Variants in ATG2B observed in about 807,000 individuals in gnomAD.
ATG2B encodes the protein autophagy related 2B.
ATG2B carries 121 observed loss-of-function variants against 241.3 expected under a neutral mutation model. The observed-to-expected ratio is 0.50, with a 90% CI of 0.43 to 0.58. The LOEUF (loss-of-function observed/expected upper bound fraction) is 0.58, where lower values mean the gene tolerates loss of function less well. ATG2B is among the 20% of genes least tolerant of loss of function. The probability of loss-of-function intolerance (pLI) is 0.00; values close to 1 mark genes in which losing one functional copy is unlikely to be tolerated. For missense variants in ATG2B, 2,306 were observed against 2,491.6 expected (o/e 0.93, Z 1.59); for synonymous variants, 858 against 876.6 (o/e 0.98, Z 0.37).
In ATG2B at chr14:96,318,123, A is replaced by G. The variant is rs138142206; in HGVS notation, c.2880-268T>C. On this transcript the variant is annotated intron_variant, in intron 18 of 41. Transcript: ENST00000359933. Reference sequence around the variant, plus strand: ...AATAGATACTTGCCTAATTTTACCTATGTTATATACATCAAATTACAAATT... The same window carrying G: ...AATAGATACTTGCCTAATTTTACCTGTGTTATATACATCAAATTACAAATT... 1,602 of 265,694 alleles carry G rather than the reference A, an allele frequency of 6.0e-3. 43 individuals are homozygous for G. The South Asian group carries it at 0.076, about 13-fold the overall frequency. The allele number at this position is 265,694 out of a possible 1,614,324, so 16.5% of individuals were successfully genotyped here.
Position 96,362,959 on chromosome 14 carries a change from C to G in ATG2B, c.18G>C (p.Ser6=). The change falls in exon 1 of 42, where the codon TCG becomes TCC. Residue 6 remains serine (S), a synonymous_variant. Coordinates refer to ENST00000359933, the MANE Select transcript of ATG2B (RefSeq NM_018036.7). ...GGCAGGCCCTCTTCTTGATGGACTC[C>G]GAAAACGGCCAAGGCATAGTGACTG... is the stretch of plus-strand genomic sequence containing the variant. MPWPF[S]ESIKKRACRY... 2 of 1,613,454 alleles carry G rather than the reference C, an allele frequency of 1.2e-6. No homozygotes were observed. Among genetic ancestry groups the G allele is most frequent in the South Asian group, 2.2e-5 (2 of 91,046 alleles).
At chr14:96,328,167 A>G (rs1887632870) in intron 14 of ATG2B, among the ~76,000 whole-genome samples, 180 bp downstream of exon 14, 1 of 152,090 alleles carries the variant, frequency 6.6e-6, no homozygotes, top group Non-Finnish European at 1.5e-5. Flanking sequence ...TGTCTCAAAA[A>G]CTTATTTAGC....
rs758320506 is a variant in ATG2B at position 96,302,038 on chromosome 14, G to A, written c.5108C>T (p.Ser1703Leu). 10 of 1,613,924 alleles carry A rather than the reference G, an allele frequency of 6.2e-6. No individual in the cohort carries two copies. The East Asian group carries it at 6.7e-5, about 11-fold the overall frequency. ...RSPQECCLRV[S>L]LMPLRLNIDQ... ...AATATTGAGGCGGAGCGGCATCAGCGACACTCTCAAGCAGCACTCCTGTGG... is the reference window on the plus strand; with the variant it reads ...AATATTGAGGCGGAGCGGCATCAGCAACACTCTCAAGCAGCACTCCTGTGG... Residue 1703 changes from serine to leucine, a missense_variant, in exon 34 of 42, where the codon TCG becomes TTG. By Grantham distance (145) the Ser-to-Leu change is moderately radical. Around this residue, in one of 2 missense-constraint regions of ATG2B, gnomAD observed 379 missense variants for 480.4 expected, o/e 0.79. Transcript: ENST00000359933.
Position 96,328,725 on chromosome 14 carries a change from G to A in ATG2B, c.1923C>T (p.Ser641=), listed in dbSNP as rs1468483892. Residue 641 remains serine (S), a synonymous_variant, in exon 13 of 42, where the codon TCC becomes TCT. Coordinates refer to ENST00000359933, the MANE Select transcript of ATG2B (RefSeq NM_018036.7). ...TATAATGAAGCTGAAGACACACAGG[G>A]GAATGGGAACCAGTTTCTTCTTTGG... is the stretch of plus-strand genomic sequence containing the variant. ...FHSKEETGSH[S]PVCLQLHYKH... The A allele has an allele frequency of 6.2e-7, 1 of 1,612,252 alleles. No homozygotes were observed. Among genetic ancestry groups the A allele is most frequent in the African/African-American group, 1.3e-5 (1 of 74,932 alleles).
intron 6 of ATG2B, among the ~76,000 whole-genome samples, chr14:96,337,297 A>G (rs970490469): frequency 6.6e-6 from 1 of 152,248 alleles, no homozygotes; most frequent in African/African-American, 2.4e-5. Context: ...GAGATTATGT[A>G]GAAAATTTGT....
At chr14:96,358,556 T>C (rs759103100) in intron 1 of ATG2B, among the ~76,000 whole-genome samples, 2 of 152,238 alleles carry the variant, frequency 1.3e-5, no homozygotes, top group African/African-American at 2.4e-5. Flanking sequence ...GATGTTTAAA[T>C]AGGTTATATT....
chr14:96,309,386 C>A (rs532357923), intron 29 of ATG2B, 67 bp downstream of exon 29: 1 of 1,514,734 alleles, frequency 6.6e-7, no homozygotes, highest in Admixed American at 2.1e-5. Flanking sequence ...ATTAAATTTA[C>A]GAGAACACAA....
chr14:96,323,947 G>A lies in ATG2B; in HGVS notation c.2489C>T (p.Ser830Phe). Residue 830 changes from serine (S) to phenylalanine (F), a missense_variant, in exon 16 of 42, where the codon TCT becomes TTT. Transcript: ENST00000359933. ...GDPSIKFFHV[S>F]SGVDGDTTSS... ...TGTTGTATCTCCATCTACTCCACTA[G>A]ACACATGGAAAAACTTAATAGATGG... The A allele has an allele frequency of 1.2e-6, 2 of 1,611,498 alleles. No individual in the cohort carries two copies. Among genetic ancestry groups the A allele is most frequent in the Non-Finnish European group, 1.7e-6 (2 of 1,179,292 alleles).
chr14:96,291,361 A>C (rs1456621551), intron 38 of ATG2B, among the ~76,000 whole-genome samples: 1 of 152,212 alleles, frequency 6.6e-6, no homozygotes, highest in Non-Finnish European at 1.5e-5. Context: ...ACAACCTTAG[A>C]AAATTATTTA....
At chr14:96,359,258 G>T (rs1888560915) in intron 1 of ATG2B, among the ~76,000 whole-genome samples, 1 of 152,008 alleles carries the variant, frequency 6.6e-6, no homozygotes, top group African/African-American at 2.4e-5. Flanking sequence ...TGTAGTCCCA[G>T]CTACTGCAGG....
chr14:96,320,712 A>G (rs1887437109), intron 18 of ATG2B, among the ~76,000 whole-genome samples: 1 of 152,198 alleles, frequency 6.6e-6, no homozygotes, highest in Admixed American at 6.5e-5. Context: ...TGCTCAGTCA[A>G]TGCAGAATGA....
chr14:96,304,629 AC>A (rs566129187), intron 31 of ATG2B, 26 bp from the exon 32 acceptor site: 1 of 1,323,136 alleles, frequency 7.6e-7, no homozygotes, highest in Non-Finnish European at 1.1e-6. Context: ...AAAAAAAAAA[AC>A]CCTTTTGTTA....
At chr14:96,336,375 C>T (rs1193180717) in intron 6 of ATG2B, among the ~76,000 whole-genome samples, 2 of 152,088 alleles carry the variant, frequency 1.3e-5, no homozygotes, top group African/African-American at 4.8e-5. Flanking sequence ...TAAATAAAAA[C>T]AAATTATACT....
At position 96,283,509 on chromosome 14, in the gene ATG2B, T is replaced by C. The variant is rs3742475; in HGVS notation, c.*2246A>G. The C allele has an allele frequency of 0.82, 125,262 of 152,068 alleles. 52,059 individuals are homozygous for C. Among genetic ancestry groups the C allele is most frequent in the African/African-American group, 0.94 (38,946 of 41,504 alleles). 9.4% of individuals were successfully genotyped at this position (152,068 alleles called of 1,614,324 possible). A position where few individuals can be genotyped will look rare whatever the true frequency, so the allele number is the denominator to read the frequency against. ...ACACACAGCCTAATCATCCAAAACC[T>C]CCCTTTGGGCTTTGTCGTAAAAAAC... On this transcript the variant is annotated 3_prime_UTR_variant, in exon 42 of 42. Transcript: ENST00000359933.
At chr14:96,312,514 G>A (rs1198081479) in intron 25 of ATG2B, among the ~76,000 whole-genome samples, 1 of 152,172 alleles carries the variant, frequency 6.6e-6, no homozygotes, top group African/African-American at 2.4e-5. Flanking sequence ...GGACAAGGCA[G>A]GAGGACCACC....
chr14:96,294,757 G>A (rs1257949556), intron 36 of ATG2B, among the ~76,000 whole-genome samples: 1 of 152,190 alleles, frequency 6.6e-6, no homozygotes, highest in African/African-American at 2.4e-5. Flanking sequence ...TTGAAAGAGA[G>A]ACGAATTTGG....
rs1442545895 is a variant in ATG2B, at chr14:96,323,566, C to T, written c.2540+330G>A. 3.3e-5 allele frequency among the ~76,000 whole-genome samples: 5 copies of T among 152,182 alleles called. No homozygotes were observed. In the South Asian group the frequency reaches 6.2e-4, roughly 19 times the overall value. ...AAATTGTGCTTCTGAATTATTTAACCGAAGTAGATCCAGTCCTTATGAAAC... is the reference window on the plus strand; with the variant it reads ...AAATTGTGCTTCTGAATTATTTAACTGAAGTAGATCCAGTCCTTATGAAAC... On this transcript the variant is annotated intron_variant, in intron 16 of 41. Transcript: ENST00000359933.
chr14:96,308,277 TATATA>T (rs1887052090), intron 29 of ATG2B, among the ~76,000 whole-genome samples: 7 of 40,976 alleles, frequency 1.7e-4, no homozygotes, highest in East Asian at 4.1e-4. Context: ...TATATATATA[TATATA>T]TTTTTTTTTT....
intron 34 of ATG2B, among the ~76,000 whole-genome samples, chr14:96,296,055 G>A (rs1462107498): frequency 6.6e-6 from 1 of 152,072 alleles, no homozygotes; most frequent in East Asian, 1.9e-4. Flanking sequence ...CTGGGTTCAC[G>A]CCATTCTCCT....
Sources: gnomAD v4.1 joint callset for allele counts (sites outside exome capture counted in the v4.1 genomes callset) on GRCh38, gnomAD v4.1.1 for gene constraint, gnomAD v4.1.1 regional missense constraint, MANE v1.5 for transcripts, NCBI Gene and HGNC (gene_info 2026-07-23, HGNC 2026-07-21) for gene names.